Variants in TMEM59L observed in about 807,000 individuals in gnomAD.
TMEM59L encodes transmembrane protein 59-like.
In TMEM59L, 31 loss-of-function variants were observed where a neutral mutation model predicts 39.6. The observed-to-expected ratio is 0.78, with a 90% CI of 0.59 to 1.06. TMEM59L has a LOEUF of 1.06. Among genes scored for constraint, TMEM59L ranks in the 50% least tolerant of loss-of-function variants. The probability of loss-of-function intolerance (pLI) is 0.00; values close to 1 mark genes in which losing one functional copy is unlikely to be tolerated. For missense variants in TMEM59L, 441 were observed against 451.3 expected (o/e 0.98, Z 0.21); for synonymous variants, 219 against 202.9 (o/e 1.08, Z -0.68).
At position 18,617,034 on chromosome 19, in the gene TMEM59L, G is replaced by C; in HGVS notation, c.596G>C (p.Gly199Ala). 4.3e-6 allele frequency: 7 copies of C among 1,612,984 alleles called. No individual in the cohort carries two copies. The highest frequency in any genetic ancestry group is 5.9e-6 in the Non-Finnish European group (7 of 1,179,670). The change falls in exon 5 of 8, where the codon GGG (glycine) becomes GCG (alanine). Residue 199 changes from glycine to alanine, a missense_variant. By Grantham distance (60) the Gly-to-Ala change is moderately conservative (BLOSUM62 0). Coordinates refer to ENST00000262817, the MANE Select transcript of TMEM59L (RefSeq NM_012109.3). Reference sequence around the variant, plus strand: ...ATAGTGGAGAGCCTCGGCTTCCAGGGGGGCCGTCTGCAGCGCGTGGAGGTG... The same window carrying C: ...ATAGTGGAGAGCCTCGGCTTCCAGGCGGGCCGTCTGCAGCGCGTGGAGGTG... ...QPIVESLGFQ[G>A]GRLQRVEVTW... is the part of the protein sequence containing the mutation.
At position 18,618,185 on chromosome 19, in the gene TMEM59L, AG is replaced by A; in HGVS notation, c.697del (p.Ala233ProfsTer48). On this transcript the variant is annotated frameshift_variant, in exon 6 of 8. Coordinates refer to ENST00000262817, the MANE Select transcript of TMEM59L (RefSeq NM_012109.3). LOFTEE classifies it high-confidence loss of function. Reference protein sequence around the residue: ...DPVGPLDKVRKAKIRVKTSSK... With the variant: ...DPVGPLDKVRXAKIRVKTSSK... ...GTAGGCCCCCTGGACAAGGTGAGGA[AG>A]GCCAAGATCCGAGTCAAGACCAGCA... The A allele has an allele frequency of 6.2e-7, 1 of 1,612,886 alleles. No individual in the cohort carries two copies. Among genetic ancestry groups the A allele is most frequent in the Non-Finnish European group, 8.5e-7 (1 of 1,179,484 alleles).
At chr19:18,617,650 C>A (rs781344504) in intron 5 of TMEM59L, 1 of 454,238 alleles carries the variant, frequency 2.2e-6, no homozygotes, top group Middle Eastern at 3.3e-4. Flanking sequence ...CATGGTTCAT[C>A]TCTTAGGATT....
chr19:18,617,212 G>A (rs1976438241), intron 5 of TMEM59L, 110 bp downstream of exon 5: 1 of 815,334 alleles, frequency 1.2e-6, no homozygotes, highest in Non-Finnish European at 2.1e-6. Context: ...CTCAAGTCCT[G>A]GGTTCCATGG....
chr19:18,617,394 C>T (rs976708288), intron 5 of TMEM59L: 6 of 524,982 alleles, frequency 1.1e-5, no homozygotes, highest in African/African-American at 1.9e-5. Flanking sequence ...CTCAGGGTTC[C>T]GTGGCCCACC....
intron 7 of TMEM59L, among the ~76,000 whole-genome samples, chr19:18,619,973 TCACACACACACACACA>T (rs57681167): frequency 0.15 from 17,534 of 116,880 alleles, 1,528 homozygotes; most frequent in East Asian, 0.4. Flanking sequence ...GAAGACCCCA[TCACACACACACACACA>T]CACACACACA....
intron 5 of TMEM59L, 142 bp downstream of exon 5, chr19:18,617,244 G>T (rs1211131641): frequency 1.4e-6 from 1 of 716,306 alleles, no homozygotes; most frequent in Non-Finnish European, 2.5e-6. Flanking sequence ...GGTCTCCATG[G>T]TCTATTTCCC....
Position 18,618,161 on chromosome 19 carries a change from T to C in TMEM59L, c.671T>C (p.Val224Ala). Residue 224 changes from valine (V) to alanine (A), a missense_variant, in exon 6 of 8, where the codon GTA (valine) becomes GCA (alanine). Coordinates refer to ENST00000262817, the MANE Select transcript of TMEM59L (RefSeq NM_012109.3). ...PEALEVHVDP[V>A]GPLDKVRKAK... ...GTGGCAGCTGATCTCTCAGACCCTG[T>C]AGGCCCCCTGGACAAGGTGAGGAAG... 5 of 1,613,396 alleles carry C rather than the reference T, an allele frequency of 3.1e-6. No individual in the cohort carries two copies. Among genetic ancestry groups the C allele is most frequent in the Non-Finnish European group, 4.2e-6 (5 of 1,179,618 alleles).
intron 5 of TMEM59L, 65 bp downstream of exon 5, chr19:18,617,167 G>A: frequency 8.0e-7 from 1 of 1,247,030 alleles, no homozygotes; most frequent in Non-Finnish European, 1.2e-6. Context: ...GAGTCGGCCT[G>A]GCAAACAGAC....
chr19:18,615,823 G>T (rs756679520), intron 3 of TMEM59L, 152 bp from the exon 4 acceptor site: 35 of 900,996 alleles, frequency 3.9e-5, no homozygotes, highest in Admixed American at 2.4e-4. Flanking sequence ...GTCCAGGCTG[G>T]TCTCAAACTT....
At chr19:18,617,952 C>T (rs1976449608) in intron 5 of TMEM59L, 1 of 613,586 alleles carries the variant, frequency 1.6e-6, no homozygotes, top group African/African-American at 1.9e-5. Context: ...AGTTCACCCC[C>T]AGGGTTGCAT....
Position 18,618,257 on chromosome 19 carries a change from T to G in TMEM59L, c.767T>G (p.Leu256Arg). ...ESEEPQDNDF[L>R]SCMSRRSGLP... ...GAAGAGCCACAGGACAATGACTTCC[T>G]CAGTTGCATGTCCCGGTGGGTGGCA... Residue 256 changes from leucine to arginine, a missense_variant, in exon 6 of 8, where the codon CTC becomes CGC. Leu to Arg is a moderately radical substitution (Grantham distance 102). Coordinates refer to ENST00000262817, the MANE Select transcript of TMEM59L (RefSeq NM_012109.3). The G allele has an allele frequency of 7.2e-7, 1 of 1,384,160 alleles. No homozygotes were observed. Among genetic ancestry groups the G allele is most frequent in the Non-Finnish European group, 9.6e-7 (1 of 1,039,978 alleles). 85.7% of individuals were successfully genotyped at this position (1,384,160 alleles called of 1,614,324 possible).
At position 18,618,546 on chromosome 19, in the gene TMEM59L, G is replaced by A. The variant is rs994347455; in HGVS notation, c.900+54G>A. The A allele has an allele frequency of 1.5e-5, 23 of 1,543,750 alleles. No homozygotes were observed. In the African/African-American group the frequency reaches 3.1e-4, roughly 21 times the overall value. ...CCGAGGGAGGGGGTGAAGGCAGAGA[G>A]AGCTGTTTGCTGGTCCTGGATTTGG... On this transcript the variant is annotated intron_variant, in intron 7 of 7. Coordinates refer to ENST00000262817, the MANE Select transcript of TMEM59L (RefSeq NM_012109.3).
intron 3 of TMEM59L, 130 bp downstream of exon 3, chr19:18,614,325 C>A: frequency 4.0e-6 from 4 of 999,380 alleles, no homozygotes; most frequent in Admixed American, 2.3e-5. Context: ...GCAGGGCAAC[C>A]TCCATCCAGC....
Position 18,618,262 on chromosome 19 carries a change from T to C in TMEM59L, c.772T>C (p.Cys258Arg). ...EEPQDNDFLS[C>R]MSRRSGLPRW... ...GCCACAGGACAATGACTTCCTCAGT[T>C]GCATGTCCCGGTGGGTGGCAGGACC... The change falls in exon 6 of 8, where the codon TGC becomes CGC. Residue 258 changes from cysteine to arginine, a missense_variant. By Grantham distance (180) the Cys-to-Arg change is radical (BLOSUM62 -3). Coordinates refer to ENST00000262817, the MANE Select transcript of TMEM59L (RefSeq NM_012109.3). The C allele has an allele frequency of 7.8e-7, 1 of 1,288,492 alleles. No homozygotes were observed. 79.8% of individuals were successfully genotyped at this position (1,288,492 alleles called of 1,614,324 possible).
chr19:18,617,343 C>G (rs551213317), intron 5 of TMEM59L: 2 of 612,152 alleles, frequency 3.3e-6, no homozygotes, highest in Non-Finnish European at 6.1e-6. Flanking sequence ...TCCATCTCCC[C>G]GGGTTCCATG....
In TMEM59L at chr19:18,620,807, T is replaced by A; in HGVS notation, c.*271T>A. 3.1e-6 allele frequency: 1 copy of A among 319,666 alleles called. No individual in the cohort carries two copies. The highest frequency in any genetic ancestry group is 5.8e-6 in the Non-Finnish European group (1 of 171,706). 19.8% of individuals were successfully genotyped at this position (319,666 alleles called of 1,614,324 possible). Reference sequence around the variant, plus strand: ...GTCTTCTATTGTGTGGCTTTCTGAGTATTTGAACCCCAGTCCTGTGTCACC... The same window carrying A: ...GTCTTCTATTGTGTGGCTTTCTGAGAATTTGAACCCCAGTCCTGTGTCACC... On this transcript the variant is annotated 3_prime_UTR_variant, in exon 8 of 8. Coordinates refer to ENST00000262817, the MANE Select transcript of TMEM59L (RefSeq NM_012109.3).
chr19:18,613,373 C>T (rs1976391496), intron 1 of TMEM59L, among the ~76,000 whole-genome samples: 1 of 152,062 alleles, frequency 6.6e-6, no homozygotes, highest in African/African-American at 2.4e-5. Context: ...CGGGCTCCTT[C>T]CGCACTCTGC....
intron 1 of TMEM59L, 21 bp downstream of exon 1, chr19:18,613,150 G>C: frequency 7.9e-7 from 1 of 1,263,110 alleles, no homozygotes; most frequent in Non-Finnish European, 9.9e-7. Context: ...TGCGGTGCCA[G>C]GTGCCAGCGG....
At chr19:18,613,810 G>A (rs2145347011) in intron 1 of TMEM59L, 62 bp from the exon 2 acceptor site, 1 of 1,340,580 alleles carries the variant, frequency 7.5e-7, no homozygotes, top group Non-Finnish European at 1.0e-6. Context: ...GAATGCTCCG[G>A]TCCCCCCACC....
Sources: allele counts gnomAD v4.1 joint callset (sites outside exome capture counted in the v4.1 genomes callset), GRCh38; gene constraint gnomAD v4.1.1; transcripts MANE v1.5; gene names NCBI Gene and HGNC (gene_info 2026-07-23, HGNC 2026-07-21).